Variants in HCRTR2 observed in about 807,000 individuals in gnomAD.
HCRTR2 encodes the protein hypocretin receptor 2, also known as orexin receptor type 2.
Under a neutral mutation model 49.0 loss-of-function variants are expected in HCRTR2, and 22 were observed. The observed-to-expected ratio is 0.45, with a 90% confidence interval of 0.32 to 0.64. The LOEUF is 0.64. Ranked by LOEUF, HCRTR2 falls within the 30% of genes least tolerant of loss-of-function variation. The probability of loss-of-function intolerance (pLI) is 0.04; values close to 1 mark genes in which losing one functional copy is unlikely to be tolerated. For missense variants in HCRTR2, 491 were observed against 559.4 expected, an observed-to-expected ratio of 0.88 and a Z score of 1.23; for synonymous variants, 236 against 205.3, an observed-to-expected ratio of 1.15 and a Z score of -1.28.
At chr6:55,132,195 T>C (rs1035141760) in intron 1 of HCRTR2, among the ~76,000 whole-genome samples, 8 of 151,894 alleles carry the variant, frequency 5.3e-5, no homozygotes, top group East Asian at 1.9e-4. Flanking sequence ...TACATATATA[T>C]GATTTGTTAA....
chr6:55,158,752 T>C (rs1764764615), intron 1 of HCRTR2, among the ~76,000 whole-genome samples: 1 of 152,182 alleles, frequency 6.6e-6, no homozygotes, highest in African/African-American at 2.4e-5. Context: ...AATGCCTCTC[T>C]AGATTCCTCC....
chr6:55,243,059 C>CTA (rs143015117), intron 1 of HCRTR2, among the ~76,000 whole-genome samples: 11,386 of 152,106 alleles, frequency 0.075, 707 homozygotes, highest in African/African-American at 0.18. Context: ...TGTGCAGGAG[C>CTA]TATATATCAT....
chr6:55,117,386 A>G (rs147323181), intron 1 of HCRTR2, among the ~76,000 whole-genome samples: 40 of 151,882 alleles, frequency 2.6e-4, no homozygotes, highest in African/African-American at 9.6e-4. Context: ...AGAATCCAAT[A>G]TACTGAATCT....
chr6:55,179,443 C>A (rs547195159), intron 1 of HCRTR2, among the ~76,000 whole-genome samples: 1 of 152,132 alleles, frequency 6.6e-6, no homozygotes, highest in African/African-American at 2.4e-5. Context: ...GATGCCTCTA[C>A]ATTTTTGCTA....
chr6:55,192,913 T>C (rs1765344801), intron 1 of HCRTR2, among the ~76,000 whole-genome samples: 1 of 152,230 alleles, frequency 6.6e-6, no homozygotes, highest in Non-Finnish European at 1.5e-5. Flanking sequence ...GGAGGTCTTT[T>C]GGATAATGGC....
At chr6:55,240,670 G>C (rs1766310647) in intron 1 of HCRTR2, 1 of 250,182 alleles carries the variant, frequency 4.0e-6, no homozygotes. Flanking sequence ...CAAGAAAAAG[G>C]AAAATGCCTC....
chr6:55,159,603 T>C (rs947200495), intron 1 of HCRTR2, among the ~76,000 whole-genome samples: 2 of 152,042 alleles, frequency 1.3e-5, no homozygotes, highest in African/African-American at 4.8e-5. Flanking sequence ...ATGGTTAGAG[T>C]AATTGCTAAC....
At chr6:55,276,215 T>A (rs1221744330) in intron 4 of HCRTR2, among the ~76,000 whole-genome samples, 1 of 152,158 alleles carries the variant, frequency 6.6e-6, no homozygotes, top group Non-Finnish European at 1.5e-5. Context: ...GAAAAATAAT[T>A]TATCCGATAT....
chr6:55,215,602 A>G (rs1330438957), intron 1 of HCRTR2, among the ~76,000 whole-genome samples: 1 of 152,240 alleles, frequency 6.6e-6, no homozygotes, highest in Non-Finnish European at 1.5e-5. Flanking sequence ...CACAAGTATT[A>G]AAATAACTGT....
chr6:55,262,418 A>G (rs955756647), intron 3 of HCRTR2, among the ~76,000 whole-genome samples: 20 of 135,436 alleles, frequency 1.5e-4, no homozygotes, highest in African/African-American at 5.6e-4. Flanking sequence ...TATATGTTAT[A>G]TATAATATTA....
At chr6:55,171,947 C>G (rs1418316249), upstream of HCRTR2, among the ~76,000 whole-genome samples, 1 of 152,108 alleles carries the variant, frequency 6.6e-6, no homozygotes, top group Non-Finnish European at 1.5e-5. Flanking sequence ...TAGATCCGAA[C>G]TTAAGTTGCA....
At chr6:55,259,649 G>A (rs2127319870) in intron 3 of HCRTR2, among the ~76,000 whole-genome samples, 1 of 141,102 alleles carries the variant, frequency 7.1e-6, no homozygotes, top group East Asian at 2.0e-4. Context: ...TTCCTTATTA[G>A]TTAGTTTCAT....
At chr6:55,177,020 T>C (rs1765052299) in intron 1 of HCRTR2, among the ~76,000 whole-genome samples, 1 of 152,180 alleles carries the variant, frequency 6.6e-6, no homozygotes, top group African/African-American at 2.4e-5. Context: ...GCATAGACCT[T>C]GTAGTGAATA....
intron 1 of HCRTR2, among the ~76,000 whole-genome samples, chr6:55,142,972 T>TAATA (rs1764528578): frequency 6.6e-6 from 1 of 151,330 alleles, no homozygotes; most frequent in Non-Finnish European, 1.5e-5. Context: ...AGGCAGATTA[T>TAATA]GATAGAAAGA....
intron 1 of HCRTR2, among the ~76,000 whole-genome samples, chr6:55,184,703 G>A (rs1406864563): frequency 6.6e-6 from 1 of 152,194 alleles, no homozygotes; most frequent in East Asian, 1.9e-4. Flanking sequence ...GGATAGTTTA[G>A]AAGCTTTTAT....
At chr6:55,230,305 C>T (rs1766089880) in intron 1 of HCRTR2, among the ~76,000 whole-genome samples, 2 of 152,066 alleles carry the variant, frequency 1.3e-5, no homozygotes, top group Admixed American at 1.3e-4. Context: ...GCTTTATGGG[C>T]AGTTTTACAC....
chr6:55,245,101 G>A (rs1467411444), intron 1 of HCRTR2, among the ~76,000 whole-genome samples: 2 of 151,674 alleles, frequency 1.3e-5, no homozygotes, highest in Non-Finnish European at 2.9e-5. Flanking sequence ...CAGTTAATAC[G>A]ATACCCACAG....
intron 1 of HCRTR2, among the ~76,000 whole-genome samples, chr6:55,242,031 G>A (rs1766345490): frequency 6.6e-6 from 1 of 151,438 alleles, no homozygotes; most frequent in South Asian, 2.1e-4. Flanking sequence ...ACCAAGCCCA[G>A]CTAATTTTTG....
At chr6:55,269,746 G>T (rs1766935420) in intron 4 of HCRTR2, among the ~76,000 whole-genome samples, 1 of 152,064 alleles carries the variant, frequency 6.6e-6, no homozygotes, top group African/African-American at 2.4e-5. Flanking sequence ...ATCACATGAG[G>T]CCAGGAGATC....
Sources: allele counts gnomAD v4.1 joint callset (sites outside exome capture counted in the v4.1 genomes callset), GRCh38; gene constraint gnomAD v4.1.1; transcripts MANE v1.5; gene names NCBI Gene and HGNC (gene_info 2026-07-23, HGNC 2026-07-21).